The following OPCML variants were observed in gnomAD, a reference collection of about 807,000 sequenced individuals.
OPCML encodes the protein opioid binding protein/cell adhesion molecule like, also known as opioid-binding protein/cell adhesion molecule.
OPCML carries 13 observed loss-of-function variants against 37.8 expected under a neutral mutation model. That is an observed-to-expected ratio of 0.34 (90% CI 0.22 to 0.55). The LOEUF (loss-of-function observed/expected upper bound fraction) is 0.55, where lower values mean the gene tolerates loss of function less well. OPCML is among the 20% of genes least tolerant of loss of function. OPCML has a pLI of 0.91. For missense variants in OPCML, 341 were observed against 435.6 expected (o/e 0.78, Z 1.93); for synonymous variants, 176 against 168.8 (o/e 1.04, Z -0.33).
intron 3 of OPCML, among the ~76,000 whole-genome samples, chr11:132,607,172 T>C (rs1414072092): frequency 6.6e-6 from 1 of 152,120 alleles, no homozygotes; most frequent in Non-Finnish European, 1.5e-5. Flanking sequence ...TAATTACTGA[T>C]TTTCTGTTGT....
At chr11:133,056,958 C>T (rs1948252344) in intron 1 of OPCML, among the ~76,000 whole-genome samples, 1 of 152,202 alleles carries the variant, frequency 6.6e-6, no homozygotes, top group East Asian at 1.9e-4. Flanking sequence ...ATTCTCCTGC[C>T]TCAGCCTCCC....
intron 1 of OPCML, among the ~76,000 whole-genome samples, chr11:133,448,814 G>C (rs1455757361): frequency 6.6e-6 from 1 of 152,236 alleles, no homozygotes; most frequent in South Asian, 2.1e-4. Context: ...AGAGATCCAG[G>C]AATACAGAAA....
At chr11:133,067,782 A>G (rs1948462855) in intron 1 of OPCML, 3 of 152,176 alleles carry the variant, frequency 2.0e-5, no homozygotes, top group Admixed American at 6.5e-5. Context: ...GTCATCCCTC[A>G]ACCCTGACAT....
chr11:132,759,511 T>A (rs1260402325), intron 2 of OPCML, among the ~76,000 whole-genome samples: 1 of 152,184 alleles, frequency 6.6e-6, no homozygotes, highest in Non-Finnish European at 1.5e-5. Flanking sequence ...ATTTGATTAC[T>A]TCCGGGATTA....
chr11:133,014,181 T>C (rs1947273270), intron 1 of OPCML, among the ~76,000 whole-genome samples: 1 of 152,192 alleles, frequency 6.6e-6, no homozygotes, highest in African/African-American at 2.4e-5. Flanking sequence ...TTTCCCATTA[T>C]CTTGTTGCTT....
At chr11:133,029,485 G>A (rs1947625854) in intron 1 of OPCML, among the ~76,000 whole-genome samples, 1 of 152,190 alleles carries the variant, frequency 6.6e-6, no homozygotes. Context: ...CCCAGCAATG[G>A]TGAATTGGAT....
At chr11:133,068,105 C>T (rs375184610) in intron 1 of OPCML, 10 of 152,100 alleles carry the variant, frequency 6.6e-5, no homozygotes, top group South Asian at 6.2e-4. Context: ...ATCTAATAAA[C>T]GTATTTATTT....
In OPCML at chr11:133,157,472, T is replaced by C. The variant is rs57288053; in HGVS notation, c.62-214462A>G. ...ACCCATTTTGGGCTCTCTCTTCATATCCAGGCTTGACTCACAGAGTTGACT... is the reference window on the plus strand; with the variant it reads ...ACCCATTTTGGGCTCTCTCTTCATACCCAGGCTTGACTCACAGAGTTGACT... On this transcript the variant is annotated intron_variant, in intron 1 of 7. Transcript: ENST00000524381. Among the ~76,000 whole-genome samples the C allele has an allele frequency of 6.3e-3, 963 of 152,242 alleles. 12 individuals carry two copies. The highest frequency in any genetic ancestry group is 0.022 in the African/African-American group (902 of 41,544).
chr11:133,023,487 C>CACCT (rs530418494), intron 1 of OPCML, among the ~76,000 whole-genome samples: 7 of 152,186 alleles, frequency 4.6e-5, no homozygotes, highest in Non-Finnish European at 1.0e-4. Context: ...CACTATCCAT[C>CACCT]ACCTTACCAC....
chr11:133,376,919 A>G (rs1352245852), intron 1 of OPCML, among the ~76,000 whole-genome samples: 6 of 152,222 alleles, frequency 3.9e-5, no homozygotes, highest in Non-Finnish European at 7.3e-5. Context: ...AACCATCTTC[A>G]TGCATGTTTT....
chr11:132,444,836 C>G (rs2096049257), intron 4 of OPCML, among the ~76,000 whole-genome samples: 2 of 152,198 alleles, frequency 1.3e-5, no homozygotes, highest in African/African-American at 4.8e-5. Flanking sequence ...GACAGCAGTA[C>G]ATTGCATCCT....
At chr11:133,348,074 T>C (rs1944042266) in intron 1 of OPCML, among the ~76,000 whole-genome samples, 1 of 152,188 alleles carries the variant, frequency 6.6e-6, no homozygotes, top group Non-Finnish European at 1.5e-5. Flanking sequence ...AAAAAGCTGT[T>C]CTTTCTCTGG....
At chr11:132,749,695 G>C (rs1406639761) in intron 2 of OPCML, among the ~76,000 whole-genome samples, 1 of 152,240 alleles carries the variant, frequency 6.6e-6, no homozygotes, top group African/African-American at 2.4e-5. Flanking sequence ...AAGAGATTCA[G>C]AACTGAGCTC....
chr11:133,531,590 G>A (rs925912354), intron 1 of OPCML, among the ~76,000 whole-genome samples: 1 of 152,138 alleles, frequency 6.6e-6, no homozygotes, highest in Non-Finnish European at 1.5e-5. Context: ...AGGACGGCAG[G>A]CAGTAGAGGG....
chr11:133,244,061 T>C (rs2136417582), intron 1 of OPCML, among the ~76,000 whole-genome samples: 1 of 152,300 alleles, frequency 6.6e-6, no homozygotes, highest in Non-Finnish European at 1.5e-5. Flanking sequence ...AGACTCCACC[T>C]TGGGGCAGAA....
At chr11:132,569,063 G>T (rs369502101) in intron 3 of OPCML, among the ~76,000 whole-genome samples, 1 of 152,200 alleles carries the variant, frequency 6.6e-6, no homozygotes, top group Non-Finnish European at 1.5e-5. Context: ...GGCAGGCAGC[G>T]GGGCAGGTTC....
intron 1 of OPCML, among the ~76,000 whole-genome samples, chr11:133,484,472 G>A (rs998657420): frequency 6.6e-6 from 1 of 152,098 alleles, no homozygotes; most frequent in African/African-American, 2.4e-5. Flanking sequence ...ACACCTAGAA[G>A]TGACAGCCAA....
chr11:132,446,103 CTTTTTTTT>C (rs58784534), intron 4 of OPCML, among the ~76,000 whole-genome samples: 1 of 48,504 alleles, frequency 2.1e-5, no homozygotes, highest in African/African-American at 9.0e-5. Flanking sequence ...CTGCTTGTGT[CTTTTTTTT>C]TTTTTTTTTT....
intron 3 of OPCML, among the ~76,000 whole-genome samples, chr11:132,652,349 AACACACACACACACAC>A (rs5795793): frequency 7.0e-6 from 1 of 142,538 alleles, no homozygotes; most frequent in Non-Finnish European, 1.5e-5. Flanking sequence ...AAGAATGACA[AACACACACACACACAC>A]ACACACACAC....
Sources: gnomAD v4.1 joint callset for allele counts (sites outside exome capture counted in the v4.1 genomes callset) on GRCh38, gnomAD v4.1.1 for gene constraint, MANE v1.5 for transcripts, NCBI Gene and HGNC (gene_info 2026-07-23, HGNC 2026-07-21) for gene names.